PCDHGB1: variants seen among roughly 807,000 people sequenced by gnomAD.
PCDHGB1 encodes the protein protocadherin gamma subfamily B, 1.
Under a neutral mutation model 56.6 loss-of-function variants are expected in PCDHGB1, and 34 were observed. The ratio of observed to expected loss-of-function variants is 0.60; its 90% confidence interval spans 0.46 to 0.80. PCDHGB1 has a LOEUF of 0.80. Ranked by LOEUF, PCDHGB1 falls within the 30% of genes least tolerant of loss-of-function variation. PCDHGB1 has a pLI of 0.00. For missense variants in PCDHGB1, 1,278 were observed against 1,204.6 expected (o/e 1.06, Z -0.90); for synonymous variants, 561 against 505.9 (o/e 1.11, Z -1.46).
intron 1 of PCDHGB1, among the ~76,000 whole-genome samples, chr5:141,369,209 C>T (rs567971438): frequency 1.3e-5 from 2 of 151,888 alleles, no homozygotes; most frequent in South Asian, 2.1e-4. Context: ...AAACTGGGGA[C>T]CAAGGAAAAG....
At position 141,394,369 on chromosome 5, in the gene PCDHGB1, C is replaced by T. The variant is rs183754735; in HGVS notation, c.2409+41700C>T. On this transcript the variant is annotated intron_variant, in intron 1 of 3. Transcript: ENST00000523390. Reference sequence around the variant, plus strand: ...ACCGGTGTCCTGTATGCGCTGCAATCTTTCGACTATGAGCAGATCCGAGAC... The same window carrying T: ...ACCGGTGTCCTGTATGCGCTGCAATTTTTCGACTATGAGCAGATCCGAGAC... 3.7e-5 allele frequency: 59 copies of T among 1,614,206 alleles called. No homozygotes were observed. Among genetic ancestry groups the T allele is most frequent in the Middle Eastern group, 1.6e-4 (1 of 6,062 alleles).
At chr5:141,357,618 T>A in intron 1 of PCDHGB1, 1 of 1,613,734 alleles carries the variant, frequency 6.2e-7, no homozygotes, top group Non-Finnish European at 8.5e-7. Context: ...ACCCTAATCT[T>A]CAGGTGAGTC....
Position 141,511,349 on chromosome 5 carries a change from C to T in PCDHGB1, c.*176C>T, listed in dbSNP as rs1463242262. The T allele has an allele frequency of 2.1e-6, 3 of 1,401,380 alleles. No homozygotes were observed. The highest frequency in any genetic ancestry group is 2.9e-5 in the African/African-American group (2 of 68,826). 86.8% of individuals were successfully genotyped at this position (1,401,380 alleles called of 1,614,324 possible). The stretch of plus-strand genomic sequence containing the variant: ...GCCCAGTCAGCACCTACCCCTTCCC[C>T]CCCAGGGGGTTGAATATGCAAAAGC... On this transcript the variant is annotated 3_prime_UTR_variant, in exon 4 of 4. Transcript: ENST00000523390.
chr5:141,404,995 T>A (rs1561697585), intron 1 of PCDHGB1: 1 of 1,614,008 alleles, frequency 6.2e-7, no homozygotes, highest in Non-Finnish European at 8.5e-7. Context: ...TTCAGATCCC[T>A]GCAGACCTGG....
intron 1 of PCDHGB1, among the ~76,000 whole-genome samples, chr5:141,472,352 T>G (rs1364883510): frequency 6.6e-6 from 1 of 151,718 alleles, no homozygotes; most frequent in Non-Finnish European, 1.5e-5. Context: ...CCATCCTGGC[T>G]AACACGGTGA....
rs769717528 is a variant in PCDHGB1, at chr5:141,390,239, C to G, written c.2409+37570C>G. ...TACTTTGCGGTGATTCATCTGGGGCCTTATTTCCACTTTGTAATTCCAGTG... is the reference window on the plus strand; with the variant it reads ...TACTTTGCGGTGATTCATCTGGGGCGTTATTTCCACTTTGTAATTCCAGTG... On this transcript the variant is annotated intron_variant, in intron 1 of 3. Coordinates refer to ENST00000523390, the MANE Select transcript of PCDHGB1 (RefSeq NM_018922.3). 32 of 1,613,904 alleles carry G rather than the reference C, an allele frequency of 2.0e-5. No homozygotes were observed. In the Admixed American group the frequency reaches 5.3e-4, roughly 27 times the overall value.
chr5:141,490,793 C>T lies in PCDHGB1; in HGVS notation c.2410-4014C>T, dbSNP rs2233608. 6 of 1,613,812 alleles carry T rather than the reference C, an allele frequency of 3.7e-6. No homozygotes were observed. The East Asian group carries it at 1.3e-4, about 36-fold the overall frequency. On this transcript the variant is annotated intron_variant, in intron 1 of 3. Transcript: ENST00000523390. This position sits in a 1 kb window ranked among gnomAD's most constrained non-coding sequence, Gnocchi z 5.4. Reference sequence around the variant, plus strand: ...AACCCAGAGGATGGACGGATCTTTGCCCAGCGTACCTTTGACTATGAATTG... The same window carrying T: ...AACCCAGAGGATGGACGGATCTTTGTCCAGCGTACCTTTGACTATGAATTG...
chr5:141,507,365 C>G (rs1279257057), intron 3 of PCDHGB1: 1 of 152,092 alleles, frequency 6.6e-6, no homozygotes, highest in African/African-American at 2.4e-5. Context: ...ACTGGGAGCC[C>G]TGTACTTTTA....
intron 1 of PCDHGB1, chr5:141,372,230 C>A (rs781407090): frequency 6.2e-7 from 1 of 1,613,346 alleles, no homozygotes; most frequent in Non-Finnish European, 8.5e-7. Context: ...TGCAGGCCAG[C>A]GAGCCCGGGC....
intron 1 of PCDHGB1, among the ~76,000 whole-genome samples, chr5:141,456,919 C>T (rs2098898169): frequency 1.3e-5 from 2 of 152,124 alleles, no homozygotes; most frequent in South Asian, 4.1e-4. Context: ...GCCGAGATCG[C>T]ACCACTGCAC....
chr5:141,360,633 A>G, intron 1 of PCDHGB1: 2 of 1,614,028 alleles, frequency 1.2e-6, no homozygotes, highest in Non-Finnish European at 1.7e-6. Flanking sequence ...GTCCTAACTC[A>G]CTACAAAGAT....
Position 141,409,860 on chromosome 5 carries a change from G to A in PCDHGB1, c.2409+57191G>A, listed in dbSNP as rs764823576. On this transcript the variant is annotated intron_variant, in intron 1 of 3. Transcript: ENST00000523390. ...AACGTGAGCCTGCGCGTGTTGGTGG[G>A]AGACCGCAATGACAACGCACCGCGG... is the stretch of plus-strand genomic sequence containing the variant. The A allele has an allele frequency of 1.2e-5, 20 of 1,612,364 alleles. No homozygotes were observed. In the South Asian group the frequency reaches 1.8e-4, roughly 14 times the overall value.
intron 1 of PCDHGB1, chr5:141,409,290 G>T: frequency 6.2e-7 from 1 of 1,613,974 alleles, no homozygotes; most frequent in Non-Finnish European, 8.5e-7. Flanking sequence ...TCACCTCCAG[G>T]AATGGTTGTT....
intron 1 of PCDHGB1, chr5:141,417,617 A>G (rs576281946): frequency 9.3e-6 from 6 of 646,206 alleles, no homozygotes; most frequent in African/African-American, 1.8e-5. Flanking sequence ...GCCAGTGCAG[A>G]GCAAGCGCTG....
At chr5:141,438,631 TATATACACAC>T (rs1330021858) in intron 1 of PCDHGB1, among the ~76,000 whole-genome samples, 2,835 of 42,824 alleles carry the variant, frequency 0.066, 23 homozygotes, top group African/African-American at 0.13. Flanking sequence ...TATATATATA[TATATACACAC>T]ACACACACAC....
chr5:141,402,843 G>C (rs1370040306), intron 1 of PCDHGB1: 5 of 1,399,114 alleles, frequency 3.6e-6, no homozygotes, highest in Non-Finnish European at 4.7e-6. Flanking sequence ...GCAAAACTCA[G>C]CCTCTTTCTT....
chr5:141,438,054 T>C (rs1451843979), intron 1 of PCDHGB1, among the ~76,000 whole-genome samples: 2 of 152,182 alleles, frequency 1.3e-5, no homozygotes, highest in African/African-American at 4.8e-5. Flanking sequence ...TTGAGTTCAC[T>C]TTTAAGAAAC....
At chr5:141,399,708 A>C (rs769072460) in intron 1 of PCDHGB1, 50 of 1,613,374 alleles carry the variant, frequency 3.1e-5, no homozygotes, top group Non-Finnish European at 4.2e-5. Context: ...TCGAACTCAC[A>C]CTACAGGCCC....
At chr5:141,372,540 C>T (rs1208837944) in intron 1 of PCDHGB1, 2 of 1,614,012 alleles carry the variant, frequency 1.2e-6, no homozygotes, top group Non-Finnish European at 1.7e-6. Flanking sequence ...CCTGCGCCTG[C>T]GATGCTCCTC....
Sources: gnomAD v4.1 joint callset for allele counts (sites outside exome capture counted in the v4.1 genomes callset) on GRCh38, gnomAD v4.1.1 for gene constraint, Gnocchi (gnomAD v3.1) non-coding constraint, MANE v1.5 for transcripts, NCBI Gene and HGNC (gene_info 2026-07-23, HGNC 2026-07-21) for gene names.